ROCK2: variants seen among roughly 807,000 people sequenced by gnomAD.
ROCK2 encodes rho-associated protein kinase 2.
In ROCK2, 61 loss-of-function variants were observed where a neutral mutation model predicts 195.1. The observed-to-expected ratio is 0.31, with a 90% CI of 0.25 to 0.39. ROCK2 has a LOEUF of 0.39. Ranked by LOEUF, ROCK2 falls within the 10% of genes least tolerant of loss-of-function variation. The pLI is 1.00. For missense variants in ROCK2, 1,109 were observed against 1,637.4 expected (o/e 0.68, Z 5.57); for synonymous variants, 504 against 545.5 (o/e 0.92, Z 1.06).
intron 1 of ROCK2, among the ~76,000 whole-genome samples, chr2:11,318,438 T>C (rs1332840157): frequency 2.0e-5 from 3 of 152,222 alleles, no homozygotes. Context: ...TTCATGTCCT[T>C]TGCCCACTTT....
chr2:11,202,478 T>G (rs1168532173), intron 20 of ROCK2, among the ~76,000 whole-genome samples: 1 of 150,716 alleles, frequency 6.6e-6, no homozygotes, highest in Non-Finnish European at 1.5e-5. Context: ...GAACCCTTGA[T>G]GATAATAATA....
chr2:11,222,077 A>C lies in ROCK2; in HGVS notation c.1099+6T>G. 6.5e-7 allele frequency: 1 copy of C among 1,542,506 alleles called. No individual in the cohort carries two copies. The highest frequency in any genetic ancestry group is 9.0e-7 in the Non-Finnish European group (1 of 1,116,326). Reference sequence around the variant, plus strand: ...GGAATGAAAATATTTAGGTTTATTGACTTACTTTCTCTTATGTTATCCCAA... The same window carrying C: ...GGAATGAAAATATTTAGGTTTATTGCCTTACTTTCTCTTATGTTATCCCAA... On this transcript the variant is annotated splice_donor_region_variant and intron_variant, in intron 8 of 32. Transcript: ENST00000315872.
At chr2:11,253,535 G>T (rs1665911263) in intron 3 of ROCK2, among the ~76,000 whole-genome samples, 1 of 152,160 alleles carries the variant, frequency 6.6e-6, no homozygotes, top group Non-Finnish European at 1.5e-5. Context: ...TTCCTGGTAG[G>T]TATCATAATT....
intron 3 of ROCK2, among the ~76,000 whole-genome samples, chr2:11,285,977 T>C (rs1667174369): frequency 6.6e-6 from 1 of 151,856 alleles, no homozygotes; most frequent in Non-Finnish European, 1.5e-5. Context: ...AACGCTGTAG[T>C]GTGAAGAAGA....
intron 4 of ROCK2, among the ~76,000 whole-genome samples, chr2:11,248,708 C>CAAAA (rs70953372): frequency 0.02 from 926 of 45,416 alleles, 55 homozygotes; most frequent in Middle Eastern, 0.028. Flanking sequence ...GACTTCATCT[C>CAAAA]AAAAAAAAAA....
intron 1 of ROCK2, chr2:11,308,707 T>A: frequency 1.2e-6 from 2 of 1,602,634 alleles, no homozygotes; most frequent in Non-Finnish European, 1.7e-6. Context: ...TCCAGAAGCA[T>A]GTTGAAAAAT....
At chr2:11,240,413 C>A (rs916387191) in intron 4 of ROCK2, among the ~76,000 whole-genome samples, 5 of 152,166 alleles carry the variant, frequency 3.3e-5, no homozygotes, top group Non-Finnish European at 5.9e-5. Context: ...ACACACCATA[C>A]AATGGAATAC....
chr2:11,277,814 G>T (rs1288413179), intron 3 of ROCK2, among the ~76,000 whole-genome samples: 1 of 152,132 alleles, frequency 6.6e-6, no homozygotes, highest in Non-Finnish European at 1.5e-5. Flanking sequence ...TTTTTCGTAT[G>T]ACTTCTTTTC....
chr2:11,273,626 C>T (rs1666724680), intron 3 of ROCK2, among the ~76,000 whole-genome samples: 1 of 151,962 alleles, frequency 6.6e-6, no homozygotes, highest in Non-Finnish European at 1.5e-5. Context: ...GGACTTAACA[C>T]AATAAACTAA....
intron 3 of ROCK2, among the ~76,000 whole-genome samples, chr2:11,269,030 C>G (rs1666528466): frequency 6.6e-6 from 1 of 152,212 alleles, no homozygotes; most frequent in African/African-American, 2.4e-5. Flanking sequence ...CGGCTCAAAT[C>G]TGCCCCTTTG....
chr2:11,312,579 T>C (rs1668070673), intron 1 of ROCK2, among the ~76,000 whole-genome samples: 1 of 152,176 alleles, frequency 6.6e-6, no homozygotes, highest in Non-Finnish European at 1.5e-5. Flanking sequence ...TTTCATTCAG[T>C]ATAATTCTGA....
In ROCK2 at chr2:11,344,019, G is replaced by T. The variant is rs766658319; in HGVS notation, c.118C>A (p.Pro40Thr). ...LEALIRDPRS[P>T]INVESLLDGL... Reference sequence around the variant, plus strand: ...ACCAGCAAGCTCTCCACGTTGATGGGGGAGCGAGGGTCTCGGATCAGCGCC... The same window carrying T: ...ACCAGCAAGCTCTCCACGTTGATGGTGGAGCGAGGGTCTCGGATCAGCGCC... The change falls in exon 1 of 33, where the codon CCC becomes ACC. Residue 40 changes from proline to threonine, a missense_variant. Coordinates refer to ENST00000315872, the MANE Select transcript of ROCK2 (RefSeq NM_004850.5). The surrounding 1 kb of genome is among the most constrained non-coding windows in gnomAD (Gnocchi z 5.4). 3 of 1,590,094 alleles carry T rather than the reference G, an allele frequency of 1.9e-6. No homozygotes were observed. The African/African-American group carries it at 4.2e-5, about 22-fold the overall frequency.
chr2:11,192,501 C>A lies in ROCK2; in HGVS notation c.3899G>T (p.Cys1300Phe). Residue 1300 changes from cysteine to phenylalanine, a missense_variant, in exon 31 of 33, where the codon TGT (cysteine) becomes TTT (phenylalanine). Physicochemically the swap from Cys to Phe is radical, Grantham distance 205. Coordinates refer to ENST00000315872, the MANE Select transcript of ROCK2 (RefSeq NM_004850.5). This position sits in a 1 kb window ranked among gnomAD's most constrained non-coding sequence, Gnocchi z 5.0. ...ALECRRCHIK[C>F]HKDHMDKKEE... The stretch of plus-strand genomic sequence containing the variant: ...CTTTTTGTCCATATGATCTTTATGA[C>A]ACTTAATATGGCAACGGCGGCACTC... 6.2e-7 allele frequency: 1 copy of A among 1,614,062 alleles called. No individual in the cohort carries two copies. The highest frequency in any genetic ancestry group is 8.5e-7 in the Non-Finnish European group (1 of 1,180,006).
chr2:11,301,154 A>C (rs1374092524), intron 1 of ROCK2, among the ~76,000 whole-genome samples: 1 of 152,154 alleles, frequency 6.6e-6, no homozygotes, highest in Admixed American at 6.5e-5. Flanking sequence ...ATTTATAACA[A>C]TCTTATGTTT....
At chr2:11,206,871 A>C (rs1664069896) in intron 20 of ROCK2, among the ~76,000 whole-genome samples, 1 of 152,228 alleles carries the variant, frequency 6.6e-6, no homozygotes, top group African/African-American at 2.4e-5. Context: ...TAGAGAAATT[A>C]AATCATTTGC....
rs555564275 is a variant in ROCK2, at chr2:11,236,812, A to C, written c.463-850T>G. Among the ~76,000 whole-genome samples, 7 of 152,344 alleles carry C rather than the reference A, an allele frequency of 4.6e-5. No individual in the cohort carries two copies. The South Asian group carries it at 1.4e-3, about 32-fold the overall frequency. On this transcript the variant is annotated intron_variant, in intron 4 of 32. Coordinates refer to ENST00000315872, the MANE Select transcript of ROCK2 (RefSeq NM_004850.5). ...AACAGCAATTTGAGAAACAAAAATA[A>C]TACTCAAGGAAATGTTTAATAGGAC... is the stretch of plus-strand genomic sequence containing the variant.
intron 20 of ROCK2, among the ~76,000 whole-genome samples, chr2:11,204,409 AAT>A (rs1417557659): frequency 6.6e-6 from 1 of 152,030 alleles, no homozygotes; most frequent in East Asian, 1.9e-4. Context: ...ATTTCATGAG[AAT>A]ATGTCTAGAT....
intron 11 of ROCK2, chr2:11,217,419 C>G (rs1664472316): frequency 1.9e-6 from 1 of 538,214 alleles, no homozygotes; most frequent in East Asian, 4.0e-5. Context: ...GAAGCTCTAA[C>G]TTTGGCAGAA....
intron 3 of ROCK2, among the ~76,000 whole-genome samples, chr2:11,253,826 C>T (rs997946840): frequency 5.9e-5 from 9 of 152,216 alleles, no homozygotes; most frequent in African/African-American, 2.2e-4. Context: ...CAAATACTAT[C>T]CACATGTACA....
Sources: allele counts gnomAD v4.1 joint callset (sites outside exome capture counted in the v4.1 genomes callset), GRCh38; gene constraint gnomAD v4.1.1; non-coding constraint Gnocchi (gnomAD v3.1); transcripts MANE v1.5; gene names NCBI Gene and HGNC (gene_info 2026-07-23, HGNC 2026-07-21).